Variants in CABLES2 observed in about 807,000 individuals in gnomAD.
CABLES2 encodes the protein CDK5 and ABL1 enzyme substrate 2.
A neutral mutation model predicts 44.8 loss-of-function variants in CABLES2; 35 were observed. That is an observed-to-expected ratio of 0.78 (90% CI 0.60 to 1.04). The LOEUF (loss-of-function observed/expected upper bound fraction) is 1.04. CABLES2 is among the 50% of genes least tolerant of loss of function. The pLI is 0.00. For synonymous variants in CABLES2, 282 were observed against 281.1 expected (o/e 1.00, Z -0.03); for missense variants, 566 against 615.7 (o/e 0.92, Z 0.85).
chr20:62,392,350 C>T, intron 8 of CABLES2, 39 bp downstream of exon 8: 1 of 1,463,374 alleles, frequency 6.8e-7, no homozygotes. Flanking sequence ...CTGGCAGGGC[C>T]TCCCAGGACG....
At chr20:62,398,061 G>A (rs1239677169) in intron 1 of CABLES2, among the ~76,000 whole-genome samples, 9 of 93,658 alleles carry the variant, frequency 9.6e-5, no homozygotes, top group East Asian at 8.4e-4. Flanking sequence ...GATGGCGATG[G>A]TGGTGGTGAC....
Position 62,398,072 on chromosome 20 carries a change from G to A in CABLES2, c.363-1480C>T, listed in dbSNP as rs1170448874. ...TGGTGATGGCGATGGTGGTGGTGAC[G>A]GTGGTGGTGGTGGTGACGGTGGTGG... On this transcript the variant is annotated intron_variant, in intron 1 of 9. Transcript: ENST00000279101. Among the ~76,000 whole-genome samples, 156 of 37,502 alleles carry A rather than the reference G, an allele frequency of 4.2e-3. 2 individuals carry two copies. In the South Asian group the frequency reaches 0.052, roughly 12 times the overall value. The allele number at this position is 37,502 out of a possible 152,430, so 24.6% of individuals were successfully genotyped here. A position where few individuals can be genotyped will look rare whatever the true frequency, so the allele number is the denominator to read the frequency against.
In CABLES2 at chr20:62,400,701, G is replaced by A. The variant is rs141415854; in HGVS notation, c.363-4109C>T. 5.9e-5 allele frequency among the ~76,000 whole-genome samples: 9 copies of A among 152,300 alleles called. No individual in the cohort carries two copies. The East Asian group carries it at 7.7e-4, about 13-fold the overall frequency. The stretch of plus-strand genomic sequence containing the variant: ...GGTCCCAGCAGAAGCCTGAGGCCCC[G>A]CGGCAGCCTGCCTGGTGGTACCGTT... On this transcript the variant is annotated intron_variant, in intron 1 of 9. Transcript: ENST00000279101.
In CABLES2 at chr20:62,392,371, C is replaced by G. The variant is rs368926023; in HGVS notation, c.1091+18G>C. 4.4e-5 allele frequency: 70 copies of G among 1,580,506 alleles called. No individual in the cohort carries two copies. Among genetic ancestry groups the G allele is most frequent in the Non-Finnish European group, 5.6e-5 (64 of 1,149,842 alleles). On this transcript the variant is annotated intron_variant, in intron 8 of 9. Transcript: ENST00000279101. ...GGGCCTCCCAGGACGATGAGATGGTCTGAGAGGGTGTCCTCACCTCCTGAT... is the reference window on the plus strand; with the variant it reads ...GGGCCTCCCAGGACGATGAGATGGTGTGAGAGGGTGTCCTCACCTCCTGAT...
At chr20:62,393,739 G>T in intron 5 of CABLES2, 134 bp from the exon 6 acceptor site, 1 of 919,590 alleles carries the variant, frequency 1.1e-6, no homozygotes, top group Non-Finnish European at 1.6e-6. Flanking sequence ...CTCAGATCAA[G>T]CCGTTGAGGC....
rs1227181055 is a variant in CABLES2, at chr20:62,389,818, T to C, written c.*1153A>G. ...CAGACAGACGTGGAAAAACTAGAGA[T>C]GGGGCCCTGCTGGCCTGCACAGAAG... On this transcript the variant is annotated 3_prime_UTR_variant, in exon 10 of 10. Transcript: ENST00000279101. 6.6e-6 allele frequency: 1 copy of C among 152,242 alleles called. No individual in the cohort carries two copies. Among genetic ancestry groups the C allele is most frequent in the Admixed American group, 6.5e-5 (1 of 15,280 alleles). 9.4% of individuals were successfully genotyped at this position (152,242 alleles called of 1,614,324 possible).
rs745770793 is a variant in CABLES2, at chr20:62,394,219, C to T, written c.652G>A (p.Val218Ile). Residue 218 changes from valine to isoleucine, a missense_variant, in exon 5 of 10, where the codon GTC becomes ATC. Physicochemically the swap from Val to Ile is conservative, Grantham distance 29. Transcript: ENST00000279101. ...SQKQRHPSGGVSVSSEMVFEL... is the reference protein window; with the variant it reads ...SQKQRHPSGGISVSSEMVFEL... ...AAGACCATCTCGGAAGACACAGAGA[C>T]GCCGCCGGACGGGTGCCTCTGCTTC... The T allele has an allele frequency of 4.0e-5, 65 of 1,613,588 alleles. 1 individual carries two copies. In the Admixed American group the frequency reaches 6.7e-4, roughly 17 times the overall value.
intron 1 of CABLES2, among the ~76,000 whole-genome samples, chr20:62,398,931 G>A (rs527491204): frequency 9.8e-5 from 15 of 152,348 alleles, no homozygotes; most frequent in Admixed American, 3.9e-4. Context: ...TCACCTTGAC[G>A]CCAACATTGA....
At chr20:62,397,937 GATGGTGGTGACGGTA>G (rs1410733484) in intron 1 of CABLES2, among the ~76,000 whole-genome samples, 1 of 93,710 alleles carries the variant, frequency 1.1e-5, no homozygotes, top group South Asian at 3.0e-4. Flanking sequence ...TGGTGGTGGT[GATGGTGGTGACGGTA>G]GTGGTGGTGA....
chr20:62,404,930 G>C (rs918823900), intron 1 of CABLES2: 3 of 152,312 alleles, frequency 2.0e-5, no homozygotes, highest in African/African-American at 4.8e-5. Context: ...CTGCACGTGG[G>C]CAGCATGCTG....
At chr20:62,394,836 G>A in intron 4 of CABLES2, 101 bp downstream of exon 4, 1 of 1,043,632 alleles carries the variant, frequency 9.6e-7, no homozygotes, top group South Asian at 1.6e-5. Flanking sequence ...AGCCGCACCT[G>A]GGGGCGCAGT....
intron 1 of CABLES2, among the ~76,000 whole-genome samples, chr20:62,397,898 GGTGGTGATGGTGATGGCA>G (rs1233541417): frequency 6.7e-6 from 1 of 149,058 alleles, no homozygotes; most frequent in African/African-American, 2.4e-5. Context: ...TGATGGCGGT[GGTGGTGATGGTGATGGCA>G]GTGGTGATGG....
intron 1 of CABLES2, among the ~76,000 whole-genome samples, chr20:62,398,121 G>GGTGATGGTGGTGA (rs1481477351): frequency 1.2e-5 from 1 of 82,418 alleles, no homozygotes; most frequent in Non-Finnish European, 2.3e-5. Context: ...GGTGGTGGTG[G>GGTGATGGTGGTGA]TGGTTATGAC....
chr20:62,390,269 A>G lies in CABLES2; in HGVS notation c.*702T>C, dbSNP rs1320518802. On this transcript the variant is annotated 3_prime_UTR_variant, in exon 10 of 10. Transcript: ENST00000279101. ...GGACACAGGGGCGTTAGGATTTCAC[A>G]GTGACACGATGCTTGAAGAACAGAG... 2 of 152,652 alleles carry G rather than the reference A, an allele frequency of 1.3e-5. No homozygotes were observed. The highest frequency in any genetic ancestry group is 4.8e-5 in the African/African-American group (2 of 41,442). 9.5% of individuals were successfully genotyped at this position (152,652 alleles called of 1,614,324 possible). A position where few individuals can be genotyped will look rare whatever the true frequency, so the allele number is the denominator to read the frequency against.
chr20:62,389,066 GA>G lies in CABLES2; in HGVS notation c.*1904del, dbSNP rs1331908620. 6.5e-6 allele frequency: 1 copy of G among 153,706 alleles called. No individual in the cohort carries two copies. The highest frequency in any genetic ancestry group is 1.4e-5 in the Non-Finnish European group (1 of 69,052). The allele number at this position is 153,706 out of a possible 1,614,324, so 9.5% of individuals were successfully genotyped here. A position where few individuals can be genotyped will look rare whatever the true frequency, so the allele number is the denominator to read the frequency against. On this transcript the variant is annotated 3_prime_UTR_variant, in exon 10 of 10. Transcript: ENST00000279101. ...AGCCATTTCTCGCATTCATGTGTAGGAAAAACCATGGAGACGTGTCCCTGGA... is the reference window on the plus strand; with the variant it reads ...AGCCATTTCTCGCATTCATGTGTAGGAAAACCATGGAGACGTGTCCCTGGA...
chr20:62,400,423 G>A lies in CABLES2; in HGVS notation c.363-3831C>T, dbSNP rs565250276. Among the ~76,000 whole-genome samples, 66 of 152,292 alleles carry A rather than the reference G, an allele frequency of 4.3e-4. 1 individual carries two copies. The South Asian group carries it at 0.013, about 30-fold the overall frequency. ...TGAGTGCTGGCCTGTGATGGGTGAC[G>A]GCGGACAGACTGCCCCAAGAGGAGC... On this transcript the variant is annotated intron_variant, in intron 1 of 9. Coordinates refer to ENST00000279101, the MANE Select transcript of CABLES2 (RefSeq NM_031215.3).
Position 62,407,145 on chromosome 20 carries a change from G to C in CABLES2, c.132C>G (p.Arg44=). The part of the protein sequence containing the change: ...QALRRRGDSR[R]RQAALFFLNN... ...TGAGGAAGAAAAGCGCGGCCTGGCG[G>C]CGCCGCGAGTCCCCGCGCCTCCGCA... Residue 44 remains arginine, a synonymous_variant, in exon 1 of 10, where the codon CGC becomes CGG. Coordinates refer to ENST00000279101, the MANE Select transcript of CABLES2 (RefSeq NM_031215.3). The C allele has an allele frequency of 9.8e-7, 1 of 1,019,316 alleles. No individual in the cohort carries two copies. The allele number at this position is 1,019,316 out of a possible 1,614,324, so 63.1% of individuals were successfully genotyped here.
rs1569017768 is a variant in CABLES2, at chr20:62,398,167, TGG to T, written c.363-1577_363-1576del. On this transcript the variant is annotated intron_variant, in intron 1 of 9. Coordinates refer to ENST00000279101, the MANE Select transcript of CABLES2 (RefSeq NM_031215.3). ...GTGGTGGTGGTGGTGACGGTGATGG[TGG>T]TAATGGTGGTGGTGGTGATGGTGAT... Among the ~76,000 whole-genome samples, 107 of 123,194 alleles carry T rather than the reference TGG, an allele frequency of 8.7e-4. 5 individuals carry two copies. The East Asian group carries it at 0.022, about 25-fold the overall frequency. The allele number at this position is 123,194 out of a possible 152,430, so 80.8% of individuals were successfully genotyped here. A position where few individuals can be genotyped will look rare whatever the true frequency, so the allele number is the denominator to read the frequency against.
At chr20:62,395,652 C>G (rs1988005021) in intron 3 of CABLES2, among the ~76,000 whole-genome samples, 1 of 152,264 alleles carries the variant, frequency 6.6e-6, no homozygotes, top group African/African-American at 2.4e-5. Context: ...CTCCCCCTCT[C>G]TGGCTTGGAT....
Sources: gnomAD v4.1 joint callset for allele counts (sites outside exome capture counted in the v4.1 genomes callset) on GRCh38, gnomAD v4.1.1 for gene constraint, MANE v1.5 for transcripts, NCBI Gene and HGNC (gene_info 2026-07-23, HGNC 2026-07-21) for gene names.